Variants in WHRN observed in about 807,000 individuals in gnomAD.
The protein encoded by WHRN is whirlin.
WHRN carries 41 observed loss-of-function variants against 68.3 expected under a neutral mutation model. The ratio of observed to expected loss-of-function variants is 0.60; its 90% CI spans 0.47 to 0.78. The LOEUF (loss-of-function observed/expected upper bound fraction) is 0.78, where lower values mean the gene tolerates loss of function less well. WHRN is among the 30% of genes least tolerant of loss of function. The pLI is 0.00. For synonymous variants in WHRN, 560 were observed against 561.3 expected (o/e 1.00, Z 0.03); for missense variants, 1,243 against 1,244.7 (o/e 1.00, Z 0.02).
intron 1 of WHRN, among the ~76,000 whole-genome samples, chr9:114,500,978 G>A (rs889086743): frequency 6.6e-6 from 1 of 152,156 alleles, no homozygotes; most frequent in Non-Finnish European, 1.5e-5. Context: ...AGAACAAGAA[G>A]ACATCAGATT....
At chr9:114,498,112 A>G (rs1261766690) in intron 1 of WHRN, among the ~76,000 whole-genome samples, 1 of 152,170 alleles carries the variant, frequency 6.6e-6, no homozygotes, top group East Asian at 1.9e-4. Context: ...CTGGATTAGG[A>G]GCAAGATCAT....
At chr9:114,452,915 C>T (rs1354202537) in intron 3 of WHRN, among the ~76,000 whole-genome samples, 3 of 152,170 alleles carry the variant, frequency 2.0e-5, no homozygotes, top group Non-Finnish European at 2.9e-5. Context: ...CATAGAGCCC[C>T]GTTGCCATCA....
intron 1 of WHRN, among the ~76,000 whole-genome samples, chr9:114,485,362 T>C (rs62555200): frequency 0.32 from 48,105 of 152,124 alleles, 8,480 homozygotes; most frequent in Non-Finnish European, 0.39. Flanking sequence ...ACTGAGCCAA[T>C]TGCCTAAACT....
chr9:114,466,545 T>G (rs577414169), intron 2 of WHRN, among the ~76,000 whole-genome samples, 153 bp from the exon 3 acceptor site: 2 of 152,272 alleles, frequency 1.3e-5, no homozygotes, highest in East Asian at 3.9e-4. Flanking sequence ...CCCTAGAACA[T>G]TCCAGTTCCT....
chr9:114,428,866 G>A (rs778107316), intron 3 of WHRN, among the ~76,000 whole-genome samples: 11 of 151,498 alleles, frequency 7.3e-5, no homozygotes, highest in East Asian at 1.9e-4. Flanking sequence ...CCACGTGAGC[G>A]AGCTAGCATC....
At chr9:114,499,908 G>T (rs997131806) in intron 1 of WHRN, among the ~76,000 whole-genome samples, 2 of 152,186 alleles carry the variant, frequency 1.3e-5, no homozygotes, top group African/African-American at 4.8e-5. Context: ...CACTAGCGCT[G>T]GTGTGGTTCT....
chr9:114,471,688 G>A lies in WHRN; in HGVS notation c.838-5296C>T, dbSNP rs115737015. Among the ~76,000 whole-genome samples the A allele has an allele frequency of 5.1e-3, 777 of 152,360 alleles. 5 individuals are homozygous for A. Among genetic ancestry groups the A allele is most frequent in the African/African-American group, 0.018 (728 of 41,586 alleles). On this transcript the variant is annotated intron_variant, in intron 2 of 11. Coordinates refer to ENST00000362057, the MANE Select transcript of WHRN (RefSeq NM_015404.4). ...CAAGAGGCAGCCGGAGCAGCTCCAG[G>A]AGATGACACCAGCCTAGGTTATCCA... is the stretch of plus-strand genomic sequence containing the variant.
Position 114,402,609 on chromosome 9 carries a change from C to A in WHRN, c.*145G>T. 1 of 1,015,178 alleles carries A rather than the reference C, an allele frequency of 9.9e-7. No individual in the cohort carries two copies. The highest frequency in any genetic ancestry group is 1.5e-6 in the Non-Finnish European group (1 of 655,446). The allele number at this position is 1,015,178 out of a possible 1,614,324, so 62.9% of individuals were successfully genotyped here. ...GCTCTCTTCCTCTCCCAGTTCTGGT[C>A]CAGTGGGCTGGGATGGAGGGGGGAT... On this transcript the variant is annotated 3_prime_UTR_variant, in exon 12 of 12. Coordinates refer to ENST00000362057, the MANE Select transcript of WHRN (RefSeq NM_015404.4).
intron 1 of WHRN, among the ~76,000 whole-genome samples, chr9:114,491,290 G>A (rs1842951196): frequency 1.3e-5 from 2 of 152,120 alleles, no homozygotes; most frequent in African/African-American, 4.8e-5. Flanking sequence ...AAGCTCAGAT[G>A]AAAAATCTGA....
intron 3 of WHRN, among the ~76,000 whole-genome samples, chr9:114,443,375 G>T (rs146628736): frequency 2.6e-5 from 4 of 152,246 alleles, no homozygotes; most frequent in African/African-American, 7.2e-5. Context: ...TGGAGAGTCC[G>T]GGGGACAATC....
intron 3 of WHRN, among the ~76,000 whole-genome samples, chr9:114,462,794 C>A (rs1039650726): frequency 6.6e-6 from 1 of 152,142 alleles, no homozygotes; most frequent in African/African-American, 2.4e-5. Context: ...GAAGAACATT[C>A]TTTTTTAAAA....
intron 1 of WHRN, among the ~76,000 whole-genome samples, chr9:114,493,070 C>T (rs1249403503): frequency 6.6e-6 from 1 of 152,028 alleles, no homozygotes; most frequent in African/African-American, 2.4e-5. Flanking sequence ...AATAAAGAGG[C>T]TAGGCACAGT....
intron 3 of WHRN, among the ~76,000 whole-genome samples, chr9:114,456,515 T>C (rs1333013294): frequency 6.6e-6 from 1 of 152,094 alleles, no homozygotes; most frequent in Non-Finnish European, 1.5e-5. Flanking sequence ...GCTGGGAATT[T>C]TTCTCCCTCC....
chr9:114,474,448 G>T (rs1186503202), intron 2 of WHRN, among the ~76,000 whole-genome samples: 1 of 152,004 alleles, frequency 6.6e-6, no homozygotes, highest in East Asian at 1.9e-4. Flanking sequence ...CACATTCCCA[G>T]CCCAGCATCT....
At chr9:114,486,814 CAAAAA>C (rs59992011) in intron 1 of WHRN, among the ~76,000 whole-genome samples, 2 of 71,210 alleles carry the variant, frequency 2.8e-5, no homozygotes, top group East Asian at 1.1e-3. Flanking sequence ...GCTTCCCAGG[CAAAAA>C]AAAAAAAAAA....
intron 9 of WHRN, among the ~76,000 whole-genome samples, chr9:114,405,271 G>A (rs1834949216): frequency 6.6e-6 from 1 of 151,896 alleles, no homozygotes; most frequent in Non-Finnish European, 1.5e-5. Context: ...GGGGCTTTCA[G>A]CAAGTTGCCC....
intron 3 of WHRN, among the ~76,000 whole-genome samples, chr9:114,446,563 G>A (rs1838835894): frequency 6.6e-6 from 1 of 152,114 alleles, no homozygotes. Context: ...TAGGATGTCT[G>A]GGTCCTTCTA....
At chr9:114,479,887 A>C (rs1841965940) in intron 1 of WHRN, among the ~76,000 whole-genome samples, 1 of 152,016 alleles carries the variant, frequency 6.6e-6, no homozygotes, top group African/African-American at 2.4e-5. Flanking sequence ...ACATGGCAAA[A>C]TCCTGTCTCT....
At chr9:114,437,279 G>A (rs1837940172) in intron 3 of WHRN, among the ~76,000 whole-genome samples, 1 of 151,988 alleles carries the variant, frequency 6.6e-6, no homozygotes. Flanking sequence ...AGGTCTAAAG[G>A]AAAAATGTAT....
Sources: gnomAD v4.1 joint callset for allele counts (sites outside exome capture counted in the v4.1 genomes callset) on GRCh38, gnomAD v4.1.1 for gene constraint, MANE v1.5 for transcripts, NCBI Gene and HGNC (gene_info 2026-07-23, HGNC 2026-07-21) for gene names.